Variants in RAB7A observed in about 807,000 individuals in gnomAD.
The protein encoded by RAB7A is ras-related protein Rab-7a.
In RAB7A, 2 loss-of-function variants were observed where a neutral mutation model predicts 24.5. The observed-to-expected ratio is 0.08, with a 90% CI of 0.03 to 0.26. RAB7A has a LOEUF of 0.26. RAB7A is among the 10% of genes least tolerant of loss of function. The pLI, the probability that RAB7A is intolerant of heterozygous loss-of-function variation, is 1.00. For synonymous variants in RAB7A, 100 were observed against 95.9 expected (o/e 1.04, Z -0.25); for missense variants, 118 against 255.7 (o/e 0.46, Z 3.67).
chr3:128,783,488 A>G (rs933732224), intron 1 of RAB7A, among the ~76,000 whole-genome samples: 16 of 152,066 alleles, frequency 1.1e-4, no homozygotes, highest in Non-Finnish European at 1.6e-4. Context: ...AGGAATGGCA[A>G]GCCCATTTGA....
rs1933980250 is a variant in RAB7A at position 128,813,736 on chromosome 3, GA to G, written c.*315del. On this transcript the variant is annotated 3_prime_UTR_variant, in exon 6 of 6. Transcript: ENST00000265062. ...ACAAGCCAGCGGTGGAAGTCATTCT[GA>G]TATGGAGTTGGCATTGGAAGCTTAT... 1 of 422,300 alleles carries G rather than the reference GA, an allele frequency of 2.4e-6. No individual in the cohort carries two copies. The highest frequency in any genetic ancestry group is 3.5e-5 in the Admixed American group (1 of 28,276). The allele number at this position is 422,300 out of a possible 1,614,324, so 26.2% of individuals were successfully genotyped here. A position where few individuals can be genotyped will look rare whatever the true frequency, so the allele number is the denominator to read the frequency against.
intron 1 of RAB7A, among the ~76,000 whole-genome samples, chr3:128,770,315 C>A (rs762908962): frequency 3.3e-5 from 5 of 152,130 alleles, no homozygotes; most frequent in Non-Finnish European, 7.4e-5. Flanking sequence ...CCACAACTTA[C>A]TTTTCGTTTG....
At chr3:128,741,675 T>C (rs1052454555) in intron 1 of RAB7A, among the ~76,000 whole-genome samples, 5 of 152,148 alleles carry the variant, frequency 3.3e-5, no homozygotes, top group Admixed American at 3.3e-4. Context: ...TGAGCCACCA[T>C]GCCTGGCTGT....
intron 1 of RAB7A, among the ~76,000 whole-genome samples, chr3:128,739,205 A>G (rs932895152): frequency 1.3e-5 from 2 of 152,160 alleles, no homozygotes; most frequent in African/African-American, 4.8e-5. Context: ...AAATTACAGA[A>G]GCAGTATAAA....
At chr3:128,734,196 G>A (rs1457149149) in intron 1 of RAB7A, among the ~76,000 whole-genome samples, 1 of 152,176 alleles carries the variant, frequency 6.6e-6, no homozygotes, top group South Asian at 2.1e-4. Context: ...TTGGGAGACC[G>A]AGGTGGGCGG....
intron 1 of RAB7A, among the ~76,000 whole-genome samples, chr3:128,772,033 A>G (rs1196982865): frequency 6.6e-6 from 1 of 152,262 alleles, no homozygotes; most frequent in African/African-American, 2.4e-5. Flanking sequence ...CATTTTAAAT[A>G]TAAAATGAAC....
At chr3:128,736,080 A>G (rs1424686718) in intron 1 of RAB7A, among the ~76,000 whole-genome samples, 1 of 152,170 alleles carries the variant, frequency 6.6e-6, no homozygotes, top group African/African-American at 2.4e-5. Context: ...AGCAAAGTAC[A>G]TAAACAATGT....
intron 3 of RAB7A, among the ~76,000 whole-genome samples, chr3:128,801,233 G>A (rs1312263835): frequency 6.6e-6 from 1 of 152,182 alleles, no homozygotes; most frequent in Non-Finnish European, 1.5e-5. Flanking sequence ...TGCTGGATGC[G>A]GTGGCTCATG....
chr3:128,734,788 T>G (rs2070474726), intron 1 of RAB7A, among the ~76,000 whole-genome samples: 1 of 152,252 alleles, frequency 6.6e-6, no homozygotes, highest in South Asian at 2.1e-4. Flanking sequence ...ACCAGCCTTT[T>G]GGCTGCGTGA....
chr3:128,746,297 G>T (rs2070614539), intron 1 of RAB7A, among the ~76,000 whole-genome samples: 1 of 152,040 alleles, frequency 6.6e-6, no homozygotes, highest in South Asian at 2.1e-4. Context: ...TTTAGAGACA[G>T]AGTCTTGCTG....
rs574165000 is a variant in RAB7A, at chr3:128,768,062, G to A, written c.-8-27298G>A. On this transcript the variant is annotated intron_variant, in intron 1 of 5. Transcript: ENST00000265062. ...CCCTGAAGTATCCCAGTATTTCTTC[G>A]TAATTCACCCTCCTGCCTACTGCCC... 2.7e-4 allele frequency among the ~76,000 whole-genome samples: 41 copies of A among 152,098 alleles called. 1 individual carries two copies. The highest frequency in any genetic ancestry group is 1.6e-3 in the Admixed American group (24 of 15,284).
chr3:128,813,639 C>G lies in RAB7A; in HGVS notation c.*217C>G. On this transcript the variant is annotated 3_prime_UTR_variant, in exon 6 of 6. Coordinates refer to ENST00000265062, the MANE Select transcript of RAB7A (RefSeq NM_004637.6). Reference sequence around the variant, plus strand: ...CACACAGATCTGACGTAATCAAACTCCAGCCCTTGCCCGTGATGGCTCCTT... The same window carrying G: ...CACACAGATCTGACGTAATCAAACTGCAGCCCTTGCCCGTGATGGCTCCTT... 1 of 583,592 alleles carries G rather than the reference C, an allele frequency of 1.7e-6. No individual in the cohort carries two copies. The highest frequency in any genetic ancestry group is 1.8e-5 in the South Asian group (1 of 55,728). 36.2% of individuals were successfully genotyped at this position (583,592 alleles called of 1,614,324 possible). A position where few individuals can be genotyped will look rare whatever the true frequency, so the allele number is the denominator to read the frequency against.
At chr3:128,761,729 G>C (rs2070777128) in intron 1 of RAB7A, among the ~76,000 whole-genome samples, 1 of 152,180 alleles carries the variant, frequency 6.6e-6, no homozygotes, top group African/African-American at 2.4e-5. Flanking sequence ...TATAAATCCT[G>C]TTTTGAAAAT....
intron 1 of RAB7A, among the ~76,000 whole-genome samples, chr3:128,739,660 A>T (rs1286222221): frequency 6.6e-6 from 1 of 152,238 alleles, no homozygotes; most frequent in African/African-American, 2.4e-5. Context: ...TAAAAATTTA[A>T]CCATATAGTC....
At chr3:128,726,785 G>A (rs980208277) in intron 1 of RAB7A, among the ~76,000 whole-genome samples, 2 of 152,198 alleles carry the variant, frequency 1.3e-5, no homozygotes, top group Non-Finnish European at 2.9e-5. Context: ...CAGGCGCTGG[G>A]GGCCGAGCCG....
intron 1 of RAB7A, among the ~76,000 whole-genome samples, chr3:128,757,514 T>C (rs1462174155): frequency 6.6e-6 from 1 of 150,962 alleles, no homozygotes; most frequent in Non-Finnish European, 1.5e-5. Flanking sequence ...TTTTATTTAT[T>C]TTAAAAACAA....
At chr3:128,744,927 T>G (rs1430828186) in intron 1 of RAB7A, among the ~76,000 whole-genome samples, 2 of 150,928 alleles carry the variant, frequency 1.3e-5, no homozygotes, top group Non-Finnish European at 3.0e-5. Context: ...AGGCTGGAGT[T>G]TAGTGGTGCG....
At chr3:128,793,625 A>G (rs1323117321) in intron 1 of RAB7A, among the ~76,000 whole-genome samples, 1 of 152,190 alleles carries the variant, frequency 6.6e-6, no homozygotes, top group Non-Finnish European at 1.5e-5. Context: ...AGAGTGTGAC[A>G]TTTAAACTTT....
intron 1 of RAB7A, among the ~76,000 whole-genome samples, chr3:128,734,020 C>G (rs563460563): frequency 1.3e-5 from 2 of 152,146 alleles, no homozygotes; most frequent in Non-Finnish European, 2.9e-5. Flanking sequence ...CATGGTACAG[C>G]TTGTTTACTC....
Sources: gnomAD v4.1 joint callset for allele counts (sites outside exome capture counted in the v4.1 genomes callset) on GRCh38, gnomAD v4.1.1 for gene constraint, MANE v1.5 for transcripts, NCBI Gene and HGNC (gene_info 2026-07-23, HGNC 2026-07-21) for gene names.